Variants in PPP2R1B observed in about 807,000 individuals in gnomAD.
PPP2R1B encodes protein phosphatase 2 scaffold subunit Abeta.
PPP2R1B carries 58 observed loss-of-function variants against 72.7 expected under a neutral mutation model. The observed-to-expected ratio is 0.80, with a 90% confidence interval of 0.65 to 0.99. PPP2R1B has a LOEUF of 0.99. Ranked by LOEUF, PPP2R1B falls within the 50% of genes least tolerant of loss-of-function variation. The probability of loss-of-function intolerance (pLI) is 0.00; values close to 1 mark genes in which losing one functional copy is unlikely to be tolerated. For synonymous variants in PPP2R1B, 256 were observed against 264.6 expected (o/e 0.97, Z 0.32); for missense variants, 695 against 733.6 (o/e 0.95, Z 0.61).
At chr11:111,758,947 T>C (rs1591707533) in intron 5 of PPP2R1B, among the ~76,000 whole-genome samples, 1 of 152,326 alleles carries the variant, frequency 6.6e-6, no homozygotes, top group East Asian at 1.9e-4. Flanking sequence ...ATATGTGTCC[T>C]GGGGCTTGTG....
chr11:111,752,546 A>C (rs1399450594), intron 9 of PPP2R1B, among the ~76,000 whole-genome samples: 1 of 152,264 alleles, frequency 6.6e-6, no homozygotes, highest in Non-Finnish European at 1.5e-5. Context: ...TAAAGACTAC[A>C]AGAAAAGTCC....
chr11:111,736,680 C>T (rs1018226581), downstream of PPP2R1B, among the ~76,000 whole-genome samples: 12 of 152,296 alleles, frequency 7.9e-5, no homozygotes, highest in Admixed American at 4.6e-4. Context: ...AGGCAAAAAA[C>T]GTTTTCATGG....
the PPP2R1B span, among the ~76,000 whole-genome samples, chr11:111,718,080 GA>G: frequency 4.7e-5 from 7 of 150,426 alleles, no homozygotes; most frequent in East Asian, 1.9e-4. Flanking sequence ...AAAAATTGAA[GA>G]AAAAAAAAGA....
chr11:111,759,663 G>T, intron 5 of PPP2R1B, 141 bp downstream of exon 5: 1 of 866,074 alleles, frequency 1.2e-6, no homozygotes, highest in Non-Finnish European at 1.7e-6. Flanking sequence ...AGATAAGCAT[G>T]TTACACTTTA....
chr11:111,734,981 G>A (rs1335359006), downstream of PPP2R1B, among the ~76,000 whole-genome samples: 1 of 152,238 alleles, frequency 6.6e-6, no homozygotes, highest in Non-Finnish European at 1.5e-5. Flanking sequence ...AGCAGGTGCT[G>A]ATTAAATCCA....
At chr11:111,718,323 T>C in the PPP2R1B span, among the ~76,000 whole-genome samples, 24 of 152,188 alleles carry the variant, frequency 1.6e-4, no homozygotes, top group Non-Finnish European at 3.2e-4. Context: ...AAGGAAACTA[T>C]TAAGTTTAGT....
At chr11:111,721,916 C>G (rs1383766137), downstream of PPP2R1B, 9 of 1,610,078 alleles carry the variant, frequency 5.6e-6, no homozygotes, top group African/African-American at 9.4e-5. Context: ...GCCTGGAGAC[C>G]CAGTACCTGC....
chr11:111,763,760 T>A (rs1555052076), intron 3 of PPP2R1B, among the ~76,000 whole-genome samples: 2 of 152,056 alleles, frequency 1.3e-5, no homozygotes, highest in African/African-American at 4.8e-5. Flanking sequence ...TAAAGCTAAG[T>A]TTTGTTTTGG....
chr11:111,765,127 T>C (rs1389932074), intron 2 of PPP2R1B, among the ~76,000 whole-genome samples, 167 bp downstream of exon 2: 1 of 152,254 alleles, frequency 6.6e-6, no homozygotes, highest in African/African-American at 2.4e-5. Flanking sequence ...AAATGGTTGA[T>C]GTTTGAATAT....
At chr11:111,728,733 C>CCTGG (rs1339280924) in intron 15 of PPP2R1B, 11 of 152,178 alleles carry the variant, frequency 7.2e-5, no homozygotes, top group Middle Eastern at 3.4e-3. Context: ...TTGAGACCAT[C>CCTGG]CTAACACAGT....
downstream of PPP2R1B, among the ~76,000 whole-genome samples, chr11:111,736,041 TAGCA>T (rs1944331212): frequency 6.6e-6 from 1 of 152,166 alleles, no homozygotes; most frequent in Non-Finnish European, 1.5e-5. Flanking sequence ...CTCAGAGGCC[TAGCA>T]CCACTGGGCC....
At chr11:111,707,277 AAC>A in the PPP2R1B span, among the ~76,000 whole-genome samples, 1 of 152,196 alleles carries the variant, frequency 6.6e-6, no homozygotes, top group Non-Finnish European at 1.5e-5. Context: ...GGGTTATATA[AAC>A]AGTTGTTCCT....
chr11:111,729,202 C>T (rs944427510), intron 15 of PPP2R1B: 2 of 152,212 alleles, frequency 1.3e-5, no homozygotes, highest in African/African-American at 4.8e-5. Flanking sequence ...TACGTGCACC[C>T]CCACCTTGTG....
the PPP2R1B span, chr11:111,712,447 ACTTTGG>A: frequency 6.7e-7 from 1 of 1,488,480 alleles, no homozygotes; most frequent in East Asian, 2.4e-5. Context: ...CAAGTGTTGT[ACTTTGG>A]CTTTATTGAA....
chr11:111,743,568 A>ATTGT (rs762829444), intron 11 of PPP2R1B, 38 bp from the exon 12 acceptor site: 2 of 1,575,768 alleles, frequency 1.3e-6, no homozygotes, highest in Non-Finnish European at 1.7e-6. Context: ...CATATCGCTT[A>ATTGT]TTGTTTTTTA....
At chr11:111,692,343 T>G in the PPP2R1B span, among the ~76,000 whole-genome samples, 4 of 70,354 alleles carry the variant, frequency 5.7e-5, no homozygotes, top group African/African-American at 2.3e-4. Flanking sequence ...AGAGCGAGAC[T>G]CAGTCTCAAA....
chr11:111,722,482 G>A (rs1943831362), downstream of PPP2R1B, among the ~76,000 whole-genome samples: 1 of 152,264 alleles, frequency 6.6e-6, no homozygotes, highest in Non-Finnish European at 1.5e-5. The surrounding 1 kb of genome is among the most constrained non-coding windows in gnomAD (Gnocchi z 4.4). Flanking sequence ...TGAGGTCAGA[G>A]ATGGCCCAGG....
downstream of PPP2R1B, chr11:111,737,791 G>A (rs995108992): frequency 8.4e-6 from 11 of 1,308,630 alleles, 1 homozygote; most frequent in East Asian, 1.1e-4. Context: ...CCACCCCATC[G>A]GGCCTTTTGG....
At chr11:111,755,148 A>G in intron 6 of PPP2R1B, 54 bp from the exon 7 acceptor site, 1 of 1,548,696 alleles carries the variant, frequency 6.5e-7, no homozygotes, top group Non-Finnish European at 8.8e-7. Context: ...AATTAACAAG[A>G]ACAAAACAAA....
Sources: gnomAD v4.1 joint callset for allele counts (sites outside exome capture counted in the v4.1 genomes callset) on GRCh38, gnomAD v4.1.1 for gene constraint, Gnocchi (gnomAD v3.1) non-coding constraint, MANE v1.5 for transcripts, NCBI Gene and HGNC (gene_info 2026-07-23, HGNC 2026-07-21) for gene names.